CPNE4: variants seen among roughly 807,000 people sequenced by gnomAD.
The protein encoded by CPNE4 is copine-4.
A neutral mutation model predicts 67.9 loss-of-function variants in CPNE4; 25 were observed. The ratio of observed to expected loss-of-function variants is 0.37; its 90% CI spans 0.27 to 0.51. The LOEUF (loss-of-function observed/expected upper bound fraction) is 0.51. CPNE4 is among the 20% of genes least tolerant of loss of function. CPNE4 has a pLI of 0.93. For missense variants in CPNE4, 464 were observed against 690.8 expected (o/e 0.67, Z 3.68); for synonymous variants, 242 against 244.9 (o/e 0.99, Z 0.11).
intron 2 of CPNE4, among the ~76,000 whole-genome samples, chr3:131,835,020 G>A (rs1435664054): frequency 6.6e-6 from 1 of 152,168 alleles, no homozygotes; most frequent in Non-Finnish European, 1.5e-5. Context: ...GATGGAATAA[G>A]CACATTCCAC....
At chr3:131,710,827 A>G (rs993501289) in intron 3 of CPNE4, among the ~76,000 whole-genome samples, 3 of 152,228 alleles carry the variant, frequency 2.0e-5, no homozygotes, top group Non-Finnish European at 4.4e-5. Context: ...TTTATAAAAC[A>G]AAAGCTCAGA....
intron 3 of CPNE4, among the ~76,000 whole-genome samples, chr3:131,720,646 C>T (rs1167499574): frequency 6.6e-6 from 1 of 152,136 alleles, no homozygotes; most frequent in Non-Finnish European, 1.5e-5. Context: ...GTCCCAGTTC[C>T]CTCATCCACA....
At chr3:131,566,127 C>G (rs1937045231) in intron 10 of CPNE4, among the ~76,000 whole-genome samples, 1 of 151,874 alleles carries the variant, frequency 6.6e-6, no homozygotes, top group Admixed American at 6.6e-5. Flanking sequence ...GACCAAAACA[C>G]CAGGACTTCT....
chr3:131,574,631 C>T (rs185853032), intron 10 of CPNE4, among the ~76,000 whole-genome samples: 16 of 152,214 alleles, frequency 1.1e-4, no homozygotes, highest in African/African-American at 3.4e-4. Context: ...CTCTTGGTCC[C>T]GACTACTGGG....
chr3:131,775,714 G>T (rs1038400997), intron 2 of CPNE4, among the ~76,000 whole-genome samples: 1 of 152,156 alleles, frequency 6.6e-6, no homozygotes, highest in South Asian at 2.1e-4. Context: ...AACTGTGAGT[G>T]CATTAAACCT....
At chr3:131,686,024 G>C in intron 5 of CPNE4, 66 bp from the exon 6 acceptor site, 1 of 871,896 alleles carries the variant, frequency 1.1e-6, no homozygotes. Context: ...GATCAATCAG[G>C]AATATTTAAT....
Position 131,550,105 on chromosome 3 carries a change from A to G in CPNE4, c.1169-25T>C, listed in dbSNP as rs1270126842. On this transcript the variant is annotated intron_variant, in intron 13 of 15. Transcript: ENST00000429747. Reference sequence around the variant, plus strand: ...CCTGAGGTGAAATTGGCAAAGATCAACAGCTCCAGAGTCACTCCAAATATA... The same window carrying G: ...CCTGAGGTGAAATTGGCAAAGATCAGCAGCTCCAGAGTCACTCCAAATATA... The G allele has an allele frequency of 2.5e-6, 4 of 1,612,324 alleles. No homozygotes were observed. The South Asian group carries it at 3.3e-5, about 13-fold the overall frequency.
chr3:131,660,931 C>G (rs2080108012), intron 7 of CPNE4, among the ~76,000 whole-genome samples: 1 of 152,142 alleles, frequency 6.6e-6, no homozygotes, highest in Non-Finnish European at 1.5e-5. Flanking sequence ...GAGGCCTCTT[C>G]ATATTTTTTC....
intron 3 of CPNE4, among the ~76,000 whole-genome samples, chr3:131,722,546 C>T (rs2107745090): frequency 6.8e-6 from 1 of 146,772 alleles, no homozygotes; most frequent in East Asian, 2.1e-4. Context: ...ATGTTTTTTT[C>T]AGATTTTGGT....
rs1553814124 is a variant in CPNE4, at chr3:131,955,410, G to GTTTTTTTGTT, written c.-1-49967_-1-49966insAACAAAAAAA. ...TTTTCTGTGTGGTATTGTATGTAAG[G>GTTTTTTTGTT]TTTTTTTTTTTTTTTTTTTTTTTTG... On this transcript the variant is annotated intron_variant, in intron 1 of 15. Coordinates refer to ENST00000429747, the MANE Select transcript of CPNE4 (RefSeq NM_130808.3). 4.9e-3 allele frequency among the ~76,000 whole-genome samples: 205 copies of GTTTTTTTGTT among 42,222 alleles called. 1 individual carries two copies. The highest frequency in any genetic ancestry group is 6.9e-3 in the Non-Finnish European group (156 of 22,496). 27.7% of individuals were successfully genotyped at this position (42,222 alleles called of 152,430 possible).
At chr3:131,978,514 T>TA (rs1560724614) in intron 1 of CPNE4, among the ~76,000 whole-genome samples, 15 of 76,568 alleles carry the variant, frequency 2.0e-4, no homozygotes, top group African/African-American at 9.0e-4. Flanking sequence ...TTATATATAT[T>TA]TATTTATATA....
chr3:131,829,496 GC>G (rs1392277629), intron 2 of CPNE4, among the ~76,000 whole-genome samples: 2 of 152,234 alleles, frequency 1.3e-5, no homozygotes, highest in East Asian at 3.9e-4. Context: ...TGATCCCAGT[GC>G]CTGGCACATG....
intron 2 of CPNE4, among the ~76,000 whole-genome samples, chr3:131,767,725 C>A (rs1378952342): frequency 1.3e-5 from 2 of 152,088 alleles, no homozygotes; most frequent in African/African-American, 4.8e-5. Flanking sequence ...AGAAAGATTT[C>A]TTTTCAGTTC....
chr3:131,980,597 C>A (rs745966889), intron 1 of CPNE4, among the ~76,000 whole-genome samples: 9 of 151,988 alleles, frequency 5.9e-5, no homozygotes, highest in Admixed American at 2.0e-4. Context: ...TCTCCCTTCA[C>A]TTCTTGTATC....
intron 2 of CPNE4, among the ~76,000 whole-genome samples, chr3:131,751,887 T>C (rs538397233): frequency 5.3e-4 from 81 of 152,160 alleles, no homozygotes; most frequent in South Asian, 1.7e-3. Context: ...CTGGCCTCCA[T>C]TGACAGCCAA....
Position 131,587,415 on chromosome 3 carries a change from A to T in CPNE4, c.780+69T>A, listed in dbSNP as rs569713915. 1.2e-5 allele frequency: 12 copies of T among 973,188 alleles called. No homozygotes were observed. In the East Asian group the frequency reaches 2.6e-4, roughly 21 times the overall value. The allele number at this position is 973,188 out of a possible 1,614,324, so 60.3% of individuals were successfully genotyped here. A position where few individuals can be genotyped will look rare whatever the true frequency, so the allele number is the denominator to read the frequency against. On this transcript the variant is annotated intron_variant, in intron 8 of 15. Transcript: ENST00000429747. Reference sequence around the variant, plus strand: ...TTGATGTTTTGCCTCTTGCTGTTTCATTGGTAGCTGTGTTCTAAGGATGCA... The same window carrying T: ...TTGATGTTTTGCCTCTTGCTGTTTCTTTGGTAGCTGTGTTCTAAGGATGCA...
chr3:131,656,485 A>G (rs942133830), intron 7 of CPNE4, among the ~76,000 whole-genome samples: 11 of 152,220 alleles, frequency 7.2e-5, no homozygotes, highest in Non-Finnish European at 1.5e-4. Flanking sequence ...AATCTGGTAC[A>G]ATGTCATCAA....
intron 3 of CPNE4, among the ~76,000 whole-genome samples, chr3:131,707,736 T>C (rs1040656070): frequency 4.6e-5 from 7 of 152,164 alleles, no homozygotes; most frequent in Admixed American, 1.3e-4. Context: ...ACACTCACTC[T>C]TTATCCTCAA....
At chr3:131,953,244 A>AAT (rs1332666396) in intron 1 of CPNE4, among the ~76,000 whole-genome samples, 16 of 143,252 alleles carry the variant, frequency 1.1e-4, no homozygotes, top group South Asian at 2.2e-4. Context: ...TCAATTAAAA[A>AAT]AAAAAAAAAA....
Sources: allele counts gnomAD v4.1 joint callset (sites outside exome capture counted in the v4.1 genomes callset), GRCh38; gene constraint gnomAD v4.1.1; transcripts MANE v1.5; gene names NCBI Gene and HGNC (gene_info 2026-07-23, HGNC 2026-07-21).